The following VPS33A variants were observed in gnomAD, a reference collection of about 807,000 sequenced individuals.
VPS33A encodes vacuolar protein sorting-associated protein 33A.
Under a neutral mutation model 71.8 loss-of-function variants are expected in VPS33A, and 32 were observed. That is an observed-to-expected ratio of 0.45 (90% CI 0.34 to 0.60). The LOEUF (loss-of-function observed/expected upper bound fraction) is 0.60. Ranked by LOEUF, VPS33A falls within the 20% of genes least tolerant of loss-of-function variation. The pLI, the probability that VPS33A is intolerant of heterozygous loss-of-function variation, is 0.02. For missense variants in VPS33A, 625 were observed against 748.5 expected (o/e 0.84, Z 1.92); for synonymous variants, 311 against 292.7 (o/e 1.06, Z -0.64).
chr12:122,244,827 A>G (rs147848504), intron 6 of VPS33A, 65 bp from the exon 7 acceptor site: 25 of 1,510,020 alleles, frequency 1.7e-5, no homozygotes, highest in African/African-American at 2.8e-5. Context: ...TCCGGTAACC[A>G]AGCACAAAAC....
chr12:122,257,455 G>A (rs1397918155), intron 4 of VPS33A, among the ~76,000 whole-genome samples: 6 of 148,468 alleles, frequency 4.0e-5, no homozygotes, highest in East Asian at 2.0e-4. Flanking sequence ...AAAAAGGGCC[G>A]GGCGCAGGTG....
At chr12:122,250,919 G>A (rs1229630555) in intron 5 of VPS33A, 64 bp downstream of exon 5, 12 of 1,197,684 alleles carry the variant, frequency 1.0e-5, no homozygotes, top group East Asian at 7.1e-5. Context: ...GGAGCTTCCC[G>A]TTCCTCCTCC....
At chr12:122,262,881 G>T (rs1271885637) in intron 3 of VPS33A, among the ~76,000 whole-genome samples, 1 of 151,950 alleles carries the variant, frequency 6.6e-6, no homozygotes, top group Non-Finnish European at 1.5e-5. Flanking sequence ...TGGGGTCCAT[G>T]AGATGTTTTG....
At chr12:122,241,189 T>C (rs2136129077) in intron 8 of VPS33A, 1 of 152,198 alleles carries the variant, frequency 6.6e-6, no homozygotes, top group Non-Finnish European at 1.5e-5. Flanking sequence ...CATCTCAGAT[T>C]ATGATGGCAA....
chr12:122,256,435 G>A (rs946678639), intron 4 of VPS33A, among the ~76,000 whole-genome samples: 1 of 151,932 alleles, frequency 6.6e-6, no homozygotes, highest in African/African-American at 2.4e-5. Flanking sequence ...TTAGCCTGGC[G>A]TGGTGGCGCG....
chr12:122,238,584 C>T lies in VPS33A; in HGVS notation c.1302+3G>A. 3 of 1,603,502 alleles carry T rather than the reference C, an allele frequency of 1.9e-6. No individual in the cohort carries two copies. Among genetic ancestry groups the T allele is most frequent in the Non-Finnish European group, 2.5e-6 (3 of 1,176,822 alleles). ...CAAATTAATAATTTAAAAATATACT[C>T]ACCTGGAGAATCTCTCTTTTGTAAT... On this transcript the variant is annotated splice_donor_region_variant and intron_variant, in intron 10 of 12. Coordinates refer to ENST00000267199, the MANE Select transcript of VPS33A (RefSeq NM_022916.6).
At chr12:122,234,275 T>C (rs541637909) in intron 11 of VPS33A, among the ~76,000 whole-genome samples, 223 of 152,274 alleles carry the variant, frequency 1.5e-3, no homozygotes, top group African/African-American at 5.1e-3. Flanking sequence ...GCTTTTTTTT[T>C]CCCTTTTTCT....
intron 10 of VPS33A, among the ~76,000 whole-genome samples, chr12:122,236,212 T>C (rs1465093722): frequency 1.3e-5 from 2 of 152,082 alleles, no homozygotes; most frequent in Non-Finnish European, 2.9e-5. Context: ...AAATAAATGA[T>C]AGTATATTTT....
intron 11 of VPS33A, among the ~76,000 whole-genome samples, chr12:122,233,985 G>A (rs1157305494): frequency 1.3e-5 from 2 of 152,146 alleles, no homozygotes; most frequent in Non-Finnish European, 1.5e-5. Flanking sequence ...AGAGGAGACT[G>A]TCTAGTTATG....
intron 9 of VPS33A, 92 bp downstream of exon 9, chr12:122,239,786 G>T: frequency 1.8e-6 from 1 of 542,474 alleles, no homozygotes. Flanking sequence ...AAAAGGCAAG[G>T]CATGGGAATC....
chr12:122,238,138 T>A (rs1366673311), intron 10 of VPS33A, among the ~76,000 whole-genome samples: 1 of 152,130 alleles, frequency 6.6e-6, no homozygotes, highest in Non-Finnish European at 1.5e-5. Context: ...CCAATTCCTC[T>A]AGGTGTTAAA....
intron 8 of VPS33A, among the ~76,000 whole-genome samples, chr12:122,240,460 G>A (rs955001146): frequency 2.6e-5 from 4 of 152,104 alleles, no homozygotes; most frequent in Non-Finnish European, 4.4e-5. Flanking sequence ...AGATACAGTC[G>A]ACAAGTGCAC....
intron 4 of VPS33A, among the ~76,000 whole-genome samples, chr12:122,252,482 T>G (rs1172491557): frequency 6.6e-6 from 1 of 151,856 alleles, no homozygotes; most frequent in Non-Finnish European, 1.5e-5. Flanking sequence ...ATGTTAGCCC[T>G]GATGGTCTCG....
At chr12:122,237,538 T>TTC (rs1555247515) in intron 10 of VPS33A, among the ~76,000 whole-genome samples, 13 of 140,130 alleles carry the variant, frequency 9.3e-5, no homozygotes, top group African/African-American at 3.2e-4. Flanking sequence ...GTTTTTCTTT[T>TTC]TTTTTTTTTT....
chr12:122,254,630 C>T (rs1592926308), intron 4 of VPS33A, among the ~76,000 whole-genome samples: 2 of 152,050 alleles, frequency 1.3e-5, no homozygotes, highest in Non-Finnish European at 2.9e-5. Flanking sequence ...AGCCTGGTCT[C>T]GAACTACTGA....
In VPS33A at chr12:122,244,598, T is replaced by C; in HGVS notation, c.940A>G (p.Lys314Glu). The C allele has an allele frequency of 6.2e-7, 1 of 1,609,904 alleles. No homozygotes were observed. The change falls in exon 7 of 13, where the codon AAA becomes GAA. Residue 314 changes from lysine to glutamate, a missense_variant. Coordinates refer to ENST00000267199, the MANE Select transcript of VPS33A (RefSeq NM_022916.6). The stretch of plus-strand genomic sequence containing the variant: ...AATGCTGCAGAGATGATCTTTGCTT[T>C]CTTGCTGAGCACAGAGCCAACTGCG... The part of the protein sequence containing the change: ...FNAVGSVLSK[K>E]AKIISAAFEE...
At chr12:122,252,878 G>C (rs993047021) in intron 4 of VPS33A, 4 of 152,188 alleles carry the variant, frequency 2.6e-5, no homozygotes, top group Non-Finnish European at 5.9e-5. Flanking sequence ...GTAACAGTTA[G>C]CTTTTATTTG....
intron 1 of VPS33A, among the ~76,000 whole-genome samples, chr12:122,265,069 T>C (rs1011342193): frequency 6.6e-6 from 1 of 151,448 alleles, no homozygotes; most frequent in Admixed American, 6.6e-5. Context: ...ACTACAGGTG[T>C]GTGCCACCAC....
chr12:122,244,577 C>T lies in VPS33A; in HGVS notation c.961G>A (p.Ala321Thr), dbSNP rs1484527177. The T allele has an allele frequency of 6.2e-7, 1 of 1,604,880 alleles. No individual in the cohort carries two copies. ...LSKKAKIISA[A>T]FEERHNAKTV... is the part of the protein sequence containing the mutation. ...CCCAAAACTTGCCTCACCTCGAATG[C>T]TGCAGAGATGATCTTTGCTTTCTTG... The change falls in exon 7 of 13, where the codon GCA becomes ACA. Residue 321 changes from alanine (A) to threonine (T), a missense_variant. Transcript: ENST00000267199.
Sources: gnomAD v4.1 joint callset for allele counts (sites outside exome capture counted in the v4.1 genomes callset) on GRCh38, gnomAD v4.1.1 for gene constraint, MANE v1.5 for transcripts, NCBI Gene and HGNC (gene_info 2026-07-23, HGNC 2026-07-21) for gene names.